CUTA: variants seen among roughly 807,000 people sequenced by gnomAD.
CUTA encodes the protein protein CutA.
In CUTA, 21 loss-of-function variants were observed where a neutral mutation model predicts 20.7. The observed-to-expected ratio is 1.01, with a 90% CI of 0.72 to 1.46. The LOEUF (loss-of-function observed/expected upper bound fraction) is 1.46. CUTA is among the 40% of genes most tolerant of loss of function. The pLI is 0.00. For synonymous variants in CUTA, 99 were observed against 97.9 expected, an observed-to-expected ratio of 1.01 and a Z score of -0.07; for missense variants, 231 against 226.8, an observed-to-expected ratio of 1.02 and a Z score of -0.12.
chr6:33,417,049 G>T, intron 4 of CUTA, 48 bp downstream of exon 4: 1 of 1,612,598 alleles, frequency 6.2e-7, no homozygotes, highest in Non-Finnish European at 8.5e-7. Flanking sequence ...AGGGCTAAAG[G>T]GGTCAGGGAT....
At chr6:33,417,412 C>T in intron 2 of CUTA, 69 bp downstream of exon 2, 1 of 1,612,112 alleles carries the variant, frequency 6.2e-7, no homozygotes, top group Non-Finnish European at 8.5e-7. Context: ...GAGAAAGCAG[C>T]ACTCTTCTGC....
chr6:33,416,590 G>A lies in CUTA; in HGVS notation c.*60C>T, dbSNP rs745886202. On this transcript the variant is annotated 3_prime_UTR_variant, in exon 6 of 6. Transcript: ENST00000488034. ...TTTATTGGGGGCCCAGTCATCACCT[G>A]GAAGTCAGAAGGCGTTGAAGTATCG... is the stretch of plus-strand genomic sequence containing the variant. 9.9e-7 allele frequency: 1 copy of A among 1,008,198 alleles called. No homozygotes were observed. The highest frequency in any genetic ancestry group is 1.6e-6 in the Non-Finnish European group (1 of 630,360). 62.5% of individuals were successfully genotyped at this position (1,008,198 alleles called of 1,614,324 possible). A position where few individuals can be genotyped will look rare whatever the true frequency, so the allele number is the denominator to read the frequency against.
Position 33,417,237 on chromosome 6 carries a change from C to T in CUTA, c.317+14G>A. The T allele has an allele frequency of 6.2e-7, 1 of 1,614,190 alleles. No individual in the cohort carries two copies. Among genetic ancestry groups the T allele is most frequent in the Non-Finnish European group, 8.5e-7 (1 of 1,180,028 alleles). On this transcript the variant is annotated intron_variant, in intron 3 of 5. Coordinates refer to ENST00000488034, the MANE Select transcript of CUTA (RefSeq NM_001014840.2). ...TCCTACAGTTAGGTTAACCCCCCAACTCCTATGACTCACATGGATGTAATC... is the reference window on the plus strand; with the variant it reads ...TCCTACAGTTAGGTTAACCCCCCAATTCCTATGACTCACATGGATGTAATC...
At position 33,417,323 on chromosome 6, in the gene CUTA, GAC is replaced by G. The variant is rs779034201; in HGVS notation, c.258-15_258-14del. The stretch of plus-strand genomic sequence containing the variant: ...CTCCACCACGGCCCTGGAGTGAAGA[GAC>G]AGTCCCATTCAGAGTACCCCATAAC... On this transcript the variant is annotated splice_polypyrimidine_tract_variant and intron_variant, in intron 2 of 5. Coordinates refer to ENST00000488034, the MANE Select transcript of CUTA (RefSeq NM_001014840.2). 1 of 1,614,176 alleles carries G rather than the reference GAC, an allele frequency of 6.2e-7. No homozygotes were observed. Among genetic ancestry groups the G allele is most frequent in the Admixed American group, 1.7e-5 (1 of 60,020 alleles).
intron 2 of CUTA, 70 bp from the exon 3 acceptor site, chr6:33,417,380 A>T (rs1403388956): frequency 1.2e-6 from 2 of 1,611,664 alleles, no homozygotes; most frequent in Non-Finnish European, 1.7e-6. Flanking sequence ...GCCCAGAGAC[A>T]GGCTTCCAGA....
At position 33,417,318 on chromosome 6, in the gene CUTA, G is replaced by A. The variant is rs1235567168; in HGVS notation, c.258-8C>T. On this transcript the variant is annotated splice_polypyrimidine_tract_variant and splice_region_variant and intron_variant, in intron 2 of 5. Transcript: ENST00000488034. ...CGCTTCTCCACCACGGCCCTGGAGTGAAGAGACAGTCCCATTCAGAGTACC... is the reference window on the plus strand; with the variant it reads ...CGCTTCTCCACCACGGCCCTGGAGTAAAGAGACAGTCCCATTCAGAGTACC... The A allele has an allele frequency of 4.3e-6, 7 of 1,614,196 alleles. No homozygotes were observed. Among genetic ancestry groups the A allele is most frequent in the Non-Finnish European group, 5.9e-6 (7 of 1,180,030 alleles).
chr6:33,417,813 G>T (rs1776604800), intron 1 of CUTA, 118 bp from the exon 2 acceptor site: 1 of 1,543,642 alleles, frequency 6.5e-7, no homozygotes, highest in East Asian at 2.4e-5. Flanking sequence ...CCCGAAGAAT[G>T]CCCCTGAAGG....
Position 33,416,982 on chromosome 6 carries a change from G to A in CUTA, c.364-13C>T. The A allele has an allele frequency of 6.2e-7, 1 of 1,614,028 alleles. No homozygotes were observed. The highest frequency in any genetic ancestry group is 8.5e-7 in the Non-Finnish European group (1 of 1,179,974). On this transcript the variant is annotated splice_polypyrimidine_tract_variant and intron_variant, in intron 4 of 5. Coordinates refer to ENST00000488034, the MANE Select transcript of CUTA (RefSeq NM_001014840.2). ...GGGTTTTAATCATCTAAGGGACAAAGATAAACATGGTTGAATCAAGGAGTG... is the reference window on the plus strand; with the variant it reads ...GGGTTTTAATCATCTAAGGGACAAAAATAAACATGGTTGAATCAAGGAGTG...
At position 33,416,682 on chromosome 6, in the gene CUTA, ACT is replaced by A. The variant is rs772316615; in HGVS notation, c.506_507del (p.Glu169ValfsTer4). 1.2e-5 allele frequency: 19 copies of A among 1,611,656 alleles called. No individual in the cohort carries two copies. Among genetic ancestry groups the A allele is most frequent in the South Asian group, 2.2e-5 (2 of 91,040 alleles). On this transcript the variant is annotated frameshift_variant, in exon 6 of 6. Transcript: ENST00000488034. LOFTEE classifies it high-confidence loss of function. ...PYLQWVRQVT[E>X]SVSDSITVLP The stretch of plus-strand genomic sequence containing the variant: ...AGGACTGTGATAGAGTCAGAAACTG[ACT>A]CTGTGACCTGGCGCACCCACTGCAG...
chr6:33,416,982 G>T lies in CUTA; in HGVS notation c.364-13C>A, dbSNP rs1322482047. Reference sequence around the variant, plus strand: ...GGGTTTTAATCATCTAAGGGACAAAGATAAACATGGTTGAATCAAGGAGTG... The same window carrying T: ...GGGTTTTAATCATCTAAGGGACAAATATAAACATGGTTGAATCAAGGAGTG... On this transcript the variant is annotated splice_polypyrimidine_tract_variant and intron_variant, in intron 4 of 5. Coordinates refer to ENST00000488034, the MANE Select transcript of CUTA (RefSeq NM_001014840.2). The T allele has an allele frequency of 6.2e-7, 1 of 1,614,028 alleles. No individual in the cohort carries two copies. The highest frequency in any genetic ancestry group is 8.5e-7 in the Non-Finnish European group (1 of 1,179,974).
chr6:33,416,957 G>A lies in CUTA; in HGVS notation c.376C>T (p.Gln126Ter). ...DSEVLMMIKTQSSLVPALTDF... is the reference protein window; with the variant it reads ...DSEVLMMIKT The stretch of plus-strand genomic sequence containing the variant: ...GTCAAAGCTGGGACCAAGGAACTTT[G>A]GGTTTTAATCATCTAAGGGACAAAG... The change falls in exon 5 of 6, where the codon CAA becomes TAA. Residue 126 changes from glutamine to a stop codon, truncating the protein, a stop_gained. Coordinates refer to ENST00000488034, the MANE Select transcript of CUTA (RefSeq NM_001014840.2). LOFTEE classifies it high-confidence loss of function. The A allele has an allele frequency of 6.2e-7, 1 of 1,614,152 alleles. No homozygotes were observed. Among genetic ancestry groups the A allele is most frequent in the African/African-American group, 1.3e-5 (1 of 75,012 alleles).
In CUTA at chr6:33,417,280, G is replaced by A; in HGVS notation, c.288C>T (p.Cys96=). Residue 96 remains cysteine, a synonymous_variant, in exon 3 of 6, where the codon TGC becomes TGT. Transcript: ENST00000488034. The part of the protein sequence containing the change: ...RAVVEKRLAA[C]VNLIPQITSI... ...ATGTAATCTGAGGGATGAGGTTGACGCAGGCTGCTAGGCGCTTCTCCACCA... is the reference window on the plus strand; with the variant it reads ...ATGTAATCTGAGGGATGAGGTTGACACAGGCTGCTAGGCGCTTCTCCACCA... The A allele has an allele frequency of 6.2e-7, 1 of 1,614,196 alleles. No homozygotes were observed. Among genetic ancestry groups the A allele is most frequent in the East Asian group, 2.2e-5 (1 of 44,892 alleles).
Position 33,416,960 on chromosome 6 carries a change from T to C in CUTA, c.373A>G (p.Thr125Ala). The C allele has an allele frequency of 6.2e-7, 1 of 1,614,036 alleles. No individual in the cohort carries two copies. Residue 125 changes from threonine (T) to alanine (A), a missense_variant, in exon 5 of 6, where the codon ACC becomes GCC. Transcript: ENST00000488034. ...AAAGCTGGGACCAAGGAACTTTGGG[T>C]TTTAATCATCTAAGGGACAAAGATA... ...EDSEVLMMIK[T>A]QSSLVPALTD...
In CUTA at chr6:33,416,681, G is replaced by C. The variant is rs138574267; in HGVS notation, c.509C>G (p.Ser170Ter). The change falls in exon 6 of 6, where the codon TCA (serine) becomes TGA (stop). Residue 170 changes from serine to a stop codon, truncating the protein, a stop_gained. Coordinates refer to ENST00000488034, the MANE Select transcript of CUTA (RefSeq NM_001014840.2). LOFTEE classifies it high-confidence loss of function. ...YLQWVRQVTESVSDSITVLP is the reference protein window; with the variant it reads ...YLQWVRQVTE ...CAGGACTGTGATAGAGTCAGAAACTGACTCTGTGACCTGGCGCACCCACTG... is the reference window on the plus strand; with the variant it reads ...CAGGACTGTGATAGAGTCAGAAACTCACTCTGTGACCTGGCGCACCCACTG... 6.2e-7 allele frequency: 1 copy of C among 1,611,398 alleles called. No homozygotes were observed. Among genetic ancestry groups the C allele is most frequent in the Non-Finnish European group, 8.5e-7 (1 of 1,177,660 alleles).
chr6:33,417,403 A>G, intron 2 of CUTA, 78 bp downstream of exon 2: 1 of 1,612,504 alleles, frequency 6.2e-7, no homozygotes, highest in Non-Finnish European at 8.5e-7. Flanking sequence ...TGGAGAAAGG[A>G]GAAAGCAGCA....
At position 33,417,293 on chromosome 6, in the gene CUTA, C is replaced by T. The variant is rs753791220; in HGVS notation, c.275G>A (p.Arg92His). 22 of 1,614,078 alleles carry T rather than the reference C, an allele frequency of 1.4e-5. No homozygotes were observed. The highest frequency in any genetic ancestry group is 1.9e-5 in the Non-Finnish European group (22 of 1,180,046). ...KEIARAVVEK[R>H]LAACVNLIPQ... ...GATGAGGTTGACGCAGGCTGCTAGG[C>T]GCTTCTCCACCACGGCCCTGGAGTG... Residue 92 changes from arginine to histidine, a missense_variant, in exon 3 of 6, where the codon CGC becomes CAC. Transcript: ENST00000488034.
chr6:33,417,982 G>T lies in CUTA; in HGVS notation c.19C>A (p.Pro7Thr). ...ACCACTCCGCCGAGCAGGACCGCGG[G>T]AGCCCGCCCCCCACTCATGCGGCCT... MSGGRA[P>T]AVLLGGVASL... The change falls in exon 1 of 6, where the codon CCC becomes ACC. Residue 7 changes from proline (P) to threonine (T), a missense_variant. By Grantham distance (38) the Pro-to-Thr change is conservative. Coordinates refer to ENST00000488034, the MANE Select transcript of CUTA (RefSeq NM_001014840.2). The T allele has an allele frequency of 5.0e-6, 8 of 1,610,548 alleles. No homozygotes were observed. Among genetic ancestry groups the T allele is most frequent in the Non-Finnish European group, 6.8e-6 (8 of 1,178,462 alleles).
In CUTA at chr6:33,416,720, T is replaced by C; in HGVS notation, c.470A>G (p.Asn157Ser). 1 of 1,614,070 alleles carries C rather than the reference T, an allele frequency of 6.2e-7. No homozygotes were observed. The highest frequency in any genetic ancestry group is 1.1e-5 in the South Asian group (1 of 91,088). Residue 157 changes from asparagine (N) to serine (S), a missense_variant, in exon 6 of 6, where the codon AAC becomes AGC. Coordinates refer to ENST00000488034, the MANE Select transcript of CUTA (RefSeq NM_001014840.2). ...GCGCACCCACTGCAGGTACGGAAAG[T>C]TCCCCTGTTCCACAGGCAATGCAAT... ...EVIALPVEQG[N>S]FPYLQWVRQV... is the part of the protein sequence containing the mutation.
intron 2 of CUTA, 40 bp downstream of exon 2, chr6:33,417,441 T>G (rs1776578244): frequency 1.2e-6 from 2 of 1,613,262 alleles, no homozygotes; most frequent in Non-Finnish European, 1.7e-6. Flanking sequence ...CAACTGTCCC[T>G]TCATGATCAT....
Sources: allele counts gnomAD v4.1 joint callset, GRCh38; gene constraint gnomAD v4.1.1; transcripts MANE v1.5; gene names NCBI Gene and HGNC (gene_info 2026-07-23, HGNC 2026-07-21).